Variants in CLDN10 observed in about 807,000 individuals in gnomAD.
The protein encoded by CLDN10 is claudin 10, also known as claudin-10.
In CLDN10, 15 loss-of-function variants were observed where a neutral mutation model predicts 22.9. The ratio of observed to expected loss-of-function variants is 0.65; its 90% CI spans 0.44 to 1.01. The LOEUF (loss-of-function observed/expected upper bound fraction) is 1.01. Among genes scored for constraint, CLDN10 ranks in the 50% least tolerant of loss-of-function variants. The pLI is 0.00. For synonymous variants in CLDN10, 114 were observed against 111.4 expected (o/e 1.02, Z -0.15); for missense variants, 247 against 287.8 (o/e 0.86, Z 1.03).
chr13:95,449,579 T>G (rs2042413231), intron 1 of CLDN10, among the ~76,000 whole-genome samples: 1 of 151,868 alleles, frequency 6.6e-6, no homozygotes. Flanking sequence ...GTTGTTTTAT[T>G]TTTTAGAGAC....
At chr13:95,567,890 T>G (rs1043810364) in intron 3 of CLDN10, among the ~76,000 whole-genome samples, 1 of 152,248 alleles carries the variant, frequency 6.6e-6, no homozygotes, top group Non-Finnish European at 1.5e-5. Flanking sequence ...ATGTGGTTTT[T>G]GTCGTTGGTT....
chr13:95,447,658 C>A (rs1413757230), intron 1 of CLDN10, among the ~76,000 whole-genome samples: 1 of 152,146 alleles, frequency 6.6e-6, no homozygotes, highest in Non-Finnish European at 1.5e-5. Flanking sequence ...TGCTTTCTCT[C>A]ACCCCACACC....
chr13:95,458,070 C>T (rs35291447), intron 1 of CLDN10, among the ~76,000 whole-genome samples: 45,600 of 151,996 alleles, frequency 0.3, 8,430 homozygotes, highest in Non-Finnish European at 0.41. Flanking sequence ...GCTGGGGTGA[C>T]TTGGTTCTGC....
chr13:95,515,343 C>T (rs928591106), intron 1 of CLDN10, among the ~76,000 whole-genome samples: 2 of 152,168 alleles, frequency 1.3e-5, no homozygotes, highest in Non-Finnish European at 2.9e-5. Context: ...AAATTACATG[C>T]GTGCACCACC....
At chr13:95,545,055 G>A (rs1474714610) in intron 1 of CLDN10, among the ~76,000 whole-genome samples, 2 of 151,954 alleles carry the variant, frequency 1.3e-5, no homozygotes, top group Non-Finnish European at 2.9e-5. Context: ...TAGGGTTGCA[G>A]GTGTGAGCCA....
intron 1 of CLDN10, among the ~76,000 whole-genome samples, chr13:95,515,517 T>C (rs908931580): frequency 1.8e-4 from 27 of 152,286 alleles, no homozygotes; most frequent in African/African-American, 6.5e-4. Flanking sequence ...GGACTGCCTT[T>C]TGTGGCATGA....
At chr13:95,572,169 A>C (rs1046422898) in intron 3 of CLDN10, among the ~76,000 whole-genome samples, 11 of 152,214 alleles carry the variant, frequency 7.2e-5, no homozygotes. Context: ...GAGGGCATTC[A>C]GAAAAAAATC....
intron 1 of CLDN10, among the ~76,000 whole-genome samples, chr13:95,438,029 A>T (rs554523349): frequency 6.6e-6 from 1 of 152,232 alleles, no homozygotes; most frequent in South Asian, 2.1e-4. Context: ...ATAGTTGCTC[A>T]TGGGATTAAG....
intron 3 of CLDN10, among the ~76,000 whole-genome samples, chr13:95,569,086 C>G (rs2043822241): frequency 6.6e-6 from 1 of 152,162 alleles, no homozygotes; most frequent in Non-Finnish European, 1.5e-5. Flanking sequence ...ATAGTAAACA[C>G]TTACTAAATG....
chr13:95,497,029 C>T (rs1021847501), intron 1 of CLDN10: 7 of 151,924 alleles, frequency 4.6e-5, no homozygotes, highest in Admixed American at 3.9e-4. Flanking sequence ...GCCTGTTTTC[C>T]AGCTGGAAAA....
intron 1 of CLDN10, among the ~76,000 whole-genome samples, chr13:95,544,144 T>C (rs1170655251): frequency 6.6e-6 from 1 of 152,218 alleles, no homozygotes; most frequent in Non-Finnish European, 1.5e-5. Flanking sequence ...TGTTGGATCC[T>C]CTCAATCACA....
chr13:95,472,117 T>C (rs2042639550), intron 1 of CLDN10, among the ~76,000 whole-genome samples: 1 of 152,076 alleles, frequency 6.6e-6, no homozygotes, highest in Admixed American at 6.6e-5. Flanking sequence ...AAGAAATTAT[T>C]TCCCAGCCTG....
chr13:95,485,814 C>T (rs1445669630), intron 1 of CLDN10, among the ~76,000 whole-genome samples: 1 of 152,194 alleles, frequency 6.6e-6, no homozygotes, highest in Non-Finnish European at 1.5e-5. Flanking sequence ...CTGGGCATTG[C>T]AGGATAAGTG....
At chr13:95,527,725 G>A (rs549572231) in intron 1 of CLDN10, among the ~76,000 whole-genome samples, 7 of 152,238 alleles carry the variant, frequency 4.6e-5, no homozygotes, top group South Asian at 2.1e-4. Context: ...AACAGAGCAA[G>A]GCTCAGTCTC....
intron 1 of CLDN10, among the ~76,000 whole-genome samples, chr13:95,522,770 C>T (rs992475852): frequency 3.3e-5 from 5 of 151,926 alleles, no homozygotes; most frequent in African/African-American, 1.2e-4. Context: ...TTATATATTA[C>T]TAATGAATTG....
intron 3 of CLDN10, among the ~76,000 whole-genome samples, chr13:95,565,268 CTT>C (rs2043770578): frequency 6.6e-6 from 1 of 152,190 alleles, no homozygotes; most frequent in Admixed American, 6.5e-5. Flanking sequence ...GAATGTCCAG[CTT>C]TGTTTTCTTA....
chr13:95,527,023 G>T (rs896624057), intron 1 of CLDN10, among the ~76,000 whole-genome samples: 1 of 152,132 alleles, frequency 6.6e-6, no homozygotes, highest in African/African-American at 2.4e-5. Context: ...ATTGAACAGA[G>T]CTGAGTATGA....
chr13:95,449,374 C>G (rs1238873614), intron 1 of CLDN10, among the ~76,000 whole-genome samples: 1 of 151,980 alleles, frequency 6.6e-6, no homozygotes, highest in East Asian at 1.9e-4. Context: ...GCCTCAGCCT[C>G]CCGAGTAGCT....
chr13:95,488,740 A>ATG (rs909800788), intron 1 of CLDN10, among the ~76,000 whole-genome samples: 8 of 151,856 alleles, frequency 5.3e-5, no homozygotes, highest in East Asian at 1.9e-4. Context: ...ATATATATAT[A>ATG]TGCCACTATA....
Sources: allele counts gnomAD v4.1 joint callset (sites outside exome capture counted in the v4.1 genomes callset), GRCh38; gene constraint gnomAD v4.1.1; transcripts MANE v1.5; gene names NCBI Gene and HGNC (gene_info 2026-07-23, HGNC 2026-07-21).